CCDC85A: variants seen among roughly 807,000 people sequenced by gnomAD.
CCDC85A encodes the protein coiled-coil domain containing 85A, also known as coiled-coil domain-containing protein 85A.
CCDC85A carries 38 observed loss-of-function variants against 50.2 expected under a neutral mutation model. The ratio of observed to expected loss-of-function variants is 0.76; its 90% confidence interval spans 0.58 to 0.99. The LOEUF is 0.99. Ranked by LOEUF, CCDC85A falls within the 50% of genes least tolerant of loss-of-function variation. CCDC85A has a pLI of 0.00. For missense variants in CCDC85A, 820 were observed against 742.0 expected, an observed-to-expected ratio of 1.11 and a Z score of -1.22; for synonymous variants, 366 against 301.4, an observed-to-expected ratio of 1.21 and a Z score of -2.22.
At chr2:56,308,173 C>T (rs982123332) in intron 2 of CCDC85A, among the ~76,000 whole-genome samples, 3 of 152,168 alleles carry the variant, frequency 2.0e-5, no homozygotes, top group Non-Finnish European at 2.9e-5. Flanking sequence ...GTATAGTTCA[C>T]CATTTTCAGA....
chr2:56,344,142 A>G (rs1159809061), intron 3 of CCDC85A, among the ~76,000 whole-genome samples: 1 of 152,122 alleles, frequency 6.6e-6, no homozygotes, highest in Non-Finnish European at 1.5e-5. Context: ...ATAGTACCAA[A>G]CCCTACAATA....
intron 5 of CCDC85A, among the ~76,000 whole-genome samples, chr2:56,379,029 A>G (rs1214846162): frequency 1.3e-5 from 2 of 152,188 alleles, no homozygotes; most frequent in Non-Finnish European, 2.9e-5. Context: ...TTTTTAAAGG[A>G]ATATTATTTT....
At position 56,363,313 on chromosome 2, in the gene CCDC85A, T is replaced by TGGATA. The variant is rs559791738; in HGVS notation, c.1318-9030_1318-9029insGATAG. ...ACTACCAATTATGCAAAGGCTACACTGCCTGGATTCTGGATTCATTTTGGC... is the reference window on the plus strand; with the variant it reads ...ACTACCAATTATGCAAAGGCTACACTGGATAGCCTGGATTCTGGATTCATTTTGGC... On this transcript the variant is annotated intron_variant, in intron 3 of 5. Transcript: ENST00000407595. Among the ~76,000 whole-genome samples, 28 of 152,294 alleles carry TGGATA rather than the reference T, an allele frequency of 1.8e-4. No individual in the cohort carries two copies. In the East Asian group the frequency reaches 4.7e-3, roughly 25 times the overall value.
At chr2:56,229,408 C>T (rs752764851) in intron 2 of CCDC85A, among the ~76,000 whole-genome samples, 3 of 152,022 alleles carry the variant, frequency 2.0e-5, no homozygotes, top group South Asian at 2.1e-4. Context: ...ATTTTTAAGG[C>T]GAGACTAGTA....
rs183348343 is a variant in CCDC85A, at chr2:56,332,356, G to C, written c.1241-10523G>C. On this transcript the variant is annotated intron_variant, in intron 2 of 5. Coordinates refer to ENST00000407595, the MANE Select transcript of CCDC85A (RefSeq NM_001080433.2). ...ACAGAAATTTATTGCTCACAGTTTTGAAGGTTGGAAAGTCCAAGACGCAGG... is the reference window on the plus strand; with the variant it reads ...ACAGAAATTTATTGCTCACAGTTTTCAAGGTTGGAAAGTCCAAGACGCAGG... Among the ~76,000 whole-genome samples, 5 of 152,228 alleles carry C rather than the reference G, an allele frequency of 3.3e-5. No homozygotes were observed. In the East Asian group the frequency reaches 9.7e-4, roughly 29 times the overall value.
chr2:56,229,306 C>A (rs1050715753), intron 2 of CCDC85A, among the ~76,000 whole-genome samples: 1 of 152,082 alleles, frequency 6.6e-6, no homozygotes, highest in Admixed American at 6.5e-5. Context: ...TAAATTTGTA[C>A]TATTGTGCAT....
chr2:56,267,249 C>G (rs1011622654), intron 2 of CCDC85A, among the ~76,000 whole-genome samples: 18 of 152,168 alleles, frequency 1.2e-4, no homozygotes, highest in African/African-American at 3.6e-4. Context: ...TCTCACCATC[C>G]CTAGCGAAGG....
chr2:56,319,562 A>G (rs921692292), intron 2 of CCDC85A, among the ~76,000 whole-genome samples: 1 of 152,168 alleles, frequency 6.6e-6, no homozygotes, highest in African/African-American at 2.4e-5. Flanking sequence ...AAAATATAAC[A>G]TATGGAAAAG....
intron 2 of CCDC85A, among the ~76,000 whole-genome samples, chr2:56,252,713 G>A (rs1669819422): frequency 6.6e-6 from 1 of 152,070 alleles, no homozygotes; most frequent in Admixed American, 6.5e-5. Flanking sequence ...CCAACCGACA[G>A]GCCCCAGTGT....
chr2:56,349,100 CT>C (rs555117150), intron 3 of CCDC85A, among the ~76,000 whole-genome samples: 383 of 152,126 alleles, frequency 2.5e-3, no homozygotes, highest in African/African-American at 8.0e-3. Flanking sequence ...CAGAATTATA[CT>C]TTTTTTTCTC....
chr2:56,212,679 T>C (rs1258019827), intron 2 of CCDC85A, among the ~76,000 whole-genome samples: 2 of 152,072 alleles, frequency 1.3e-5, no homozygotes. Flanking sequence ...CCTTTGTGTG[T>C]ACCCGCACTG....
intron 2 of CCDC85A, among the ~76,000 whole-genome samples, chr2:56,289,230 T>A (rs13390229): frequency 0.11 from 17,440 of 152,280 alleles, 1,149 homozygotes; most frequent in East Asian, 0.32. Context: ...TGGATTTTTT[T>A]AATGTATTTA....
At chr2:56,322,751 C>T (rs1264960128) in intron 2 of CCDC85A, among the ~76,000 whole-genome samples, 1 of 152,106 alleles carries the variant, frequency 6.6e-6, no homozygotes, top group Non-Finnish European at 1.5e-5. Context: ...CCTCAAGGAT[C>T]TAGAACTAGA....
At chr2:56,285,422 G>T (rs1193081703) in intron 2 of CCDC85A, among the ~76,000 whole-genome samples, 1 of 146,298 alleles carries the variant, frequency 6.8e-6, no homozygotes, top group Non-Finnish European at 1.5e-5. Context: ...TTTATTTAAT[G>T]TTCTTATCGA....
chr2:56,242,593 T>G (rs1359444261), intron 2 of CCDC85A, among the ~76,000 whole-genome samples: 2 of 152,056 alleles, frequency 1.3e-5, no homozygotes, highest in Non-Finnish European at 2.9e-5. Context: ...GCCAAACACC[T>G]CCCACCAAGT....
chr2:56,365,677 A>T (rs149038057), intron 3 of CCDC85A, among the ~76,000 whole-genome samples: 2 of 152,224 alleles, frequency 1.3e-5, no homozygotes, highest in African/African-American at 4.8e-5. Context: ...TGTGTACAAC[A>T]TGATGTTTTA....
At chr2:56,283,728 A>T (rs1671305680) in intron 2 of CCDC85A, among the ~76,000 whole-genome samples, 1 of 152,154 alleles carries the variant, frequency 6.6e-6, no homozygotes, top group Non-Finnish European at 1.5e-5. Flanking sequence ...TAGGATCTGT[A>T]ATGACATATC....
rs146130314 is a variant in CCDC85A at position 56,298,343 on chromosome 2, A to G, written c.1241-44536A>G. On this transcript the variant is annotated intron_variant, in intron 2 of 5. Coordinates refer to ENST00000407595, the MANE Select transcript of CCDC85A (RefSeq NM_001080433.2). ...AGACCCCTGCATTGCCTAGGAAGCA[A>G]CATGGAATTTCATATTGGAAAGGAA... is the stretch of plus-strand genomic sequence containing the variant. 9.2e-5 allele frequency among the ~76,000 whole-genome samples: 14 copies of G among 152,316 alleles called. No individual in the cohort carries two copies. In the East Asian group the frequency reaches 2.1e-3, roughly 23 times the overall value.
chr2:56,225,945 G>A (rs564078753), intron 2 of CCDC85A, among the ~76,000 whole-genome samples: 1 of 152,214 alleles, frequency 6.6e-6, no homozygotes, highest in South Asian at 2.1e-4. Context: ...GTTAAACAAC[G>A]AGAAGAATTG....
Sources: gnomAD v4.1 joint callset for allele counts (sites outside exome capture counted in the v4.1 genomes callset) on GRCh38, gnomAD v4.1.1 for gene constraint, MANE v1.5 for transcripts, NCBI Gene and HGNC (gene_info 2026-07-23, HGNC 2026-07-21) for gene names.